The following FAM174B variants were observed in gnomAD, a reference collection of about 807,000 sequenced individuals.
FAM174B encodes the protein membrane protein FAM174B.
In FAM174B, 12 loss-of-function variants were observed where a neutral mutation model predicts 10.9. That is an observed-to-expected ratio of 1.10 (90% CI 0.71 to 1.79). FAM174B has a LOEUF of 1.79. Among genes scored for constraint, FAM174B ranks in the 40% most tolerant of loss-of-function variants. The probability of loss-of-function intolerance (pLI) is 0.00; values close to 1 mark genes in which losing one functional copy is unlikely to be tolerated. For missense variants in FAM174B, 266 were observed against 233.3 expected (o/e 1.14, Z -0.91); for synonymous variants, 132 against 115.8 (o/e 1.14, Z -0.90).
chr15:92,624,911 C>T (rs1233290634), intron 2 of FAM174B, among the ~76,000 whole-genome samples: 2 of 152,202 alleles, frequency 1.3e-5, no homozygotes, highest in South Asian at 2.1e-4. Flanking sequence ...TCCTGGAGGA[C>T]GCCTAGAGGG....
At chr15:92,630,765 TA>T (rs66461520) in intron 1 of FAM174B, among the ~76,000 whole-genome samples, 36,321 of 41,722 alleles carry the variant, frequency 0.87, 15,699 homozygotes, top group Non-Finnish European at 0.92. Flanking sequence ...TAATAATATA[TA>T]ATAATAATAT....
intron 2 of FAM174B, among the ~76,000 whole-genome samples, chr15:92,625,544 C>G (rs542050331): frequency 3.2e-4 from 49 of 152,334 alleles, no homozygotes; most frequent in South Asian, 1.9e-3. Context: ...AAACACTAAA[C>G]CAAACATGCA....
At position 92,655,551 on chromosome 15, in the gene FAM174B, G is replaced by A. The variant is rs1177368053; in HGVS notation, c.109C>T (p.Pro37Ser). The A allele has an allele frequency of 5.6e-6, 8 of 1,415,988 alleles. No individual in the cohort carries two copies. In the Admixed American group the frequency reaches 2.6e-4, roughly 46 times the overall value. 87.7% of individuals were successfully genotyped at this position (1,415,988 alleles called of 1,614,324 possible). A position where few individuals can be genotyped will look rare whatever the true frequency, so the allele number is the denominator to read the frequency against. ...GGCCGCGACTCGCGCTCGGGTTCGG[G>A]CCACGGCGCGGAGACGGACTCGGCT... ...SRAESVSAPW[P>S]EPERESRPPP... Residue 37 changes from proline (P) to serine (S), a missense_variant, in exon 1 of 3, where the codon CCC becomes TCC. Coordinates refer to ENST00000327355, the MANE Select transcript of FAM174B (RefSeq NM_207446.3).
chr15:92,636,211 G>C (rs2050855188), intron 1 of FAM174B, among the ~76,000 whole-genome samples: 1 of 152,140 alleles, frequency 6.6e-6, no homozygotes, highest in Admixed American at 6.5e-5. Context: ...CTACTTGGGA[G>C]GCTGAGGCAG....
At chr15:92,626,041 G>T (rs1468143239) in intron 2 of FAM174B, among the ~76,000 whole-genome samples, 2 of 151,564 alleles carry the variant, frequency 1.3e-5, no homozygotes, top group Non-Finnish European at 2.9e-5. Flanking sequence ...CCCAGATGAC[G>T]TATCTACACA....
At chr15:92,631,229 AATATATTATATATTATATT>A (rs2050801437) in intron 1 of FAM174B, among the ~76,000 whole-genome samples, 1 of 2,682 alleles carries the variant, frequency 3.7e-4, no homozygotes, top group Non-Finnish European at 9.4e-4. Flanking sequence ...TATTATATAT[AATATATTATATATTATATT>A]ATATATAATA....
Position 92,619,302 on chromosome 15 carries a change from G to T in FAM174B, c.*154C>A. ...CTTGCCAGTGACAGTCTGAGCAGAT[G>T]CCTGACACGCACGATGGAGCTGGGG... On this transcript the variant is annotated 3_prime_UTR_variant, in exon 3 of 3. Coordinates refer to ENST00000327355, the MANE Select transcript of FAM174B (RefSeq NM_207446.3). The T allele has an allele frequency of 2.5e-6, 2 of 814,114 alleles. No homozygotes were observed. Among genetic ancestry groups the T allele is most frequent in the African/African-American group, 1.7e-5 (1 of 59,210 alleles). 50.4% of individuals were successfully genotyped at this position (814,114 alleles called of 1,614,324 possible).
intron 1 of FAM174B, among the ~76,000 whole-genome samples, chr15:92,643,343 AAT>A (rs2050904009): frequency 2.2e-4 from 4 of 17,886 alleles, no homozygotes; most frequent in Admixed American, 1.3e-3. Context: ...ATAGGGAAGG[AAT>A]GTGTGTGTGT....
Position 92,617,981 on chromosome 15 carries a change from G to A in FAM174B, c.*1475C>T, listed in dbSNP as rs890149360. 2.3e-5 allele frequency: 8 copies of A among 342,348 alleles called. No homozygotes were observed. The highest frequency in any genetic ancestry group is 8.7e-5 in the East Asian group (2 of 23,032). The allele number at this position is 342,348 out of a possible 1,614,324, so 21.2% of individuals were successfully genotyped here. A position where few individuals can be genotyped will look rare whatever the true frequency, so the allele number is the denominator to read the frequency against. ...AGGCGAAACTGCCTTCCTGGCAGGC[G>A]GAGGCTGCCGAGCTCCCATGCCCCT... is the stretch of plus-strand genomic sequence containing the variant. On this transcript the variant is annotated 3_prime_UTR_variant, in exon 3 of 3. Coordinates refer to ENST00000327355, the MANE Select transcript of FAM174B (RefSeq NM_207446.3).
chr15:92,653,542 G>A (rs780759801), intron 1 of FAM174B, among the ~76,000 whole-genome samples: 2 of 152,384 alleles, frequency 1.3e-5, no homozygotes, highest in African/African-American at 2.4e-5. Context: ...TGGCAGGCCC[G>A]CATCGGGCAT....
intron 1 of FAM174B, among the ~76,000 whole-genome samples, chr15:92,652,560 G>A (rs1017795441): frequency 1.3e-5 from 2 of 152,186 alleles, no homozygotes; most frequent in African/African-American, 2.4e-5. Flanking sequence ...AATTGGCAGG[G>A]AGGGGTAGAA....
Position 92,618,860 on chromosome 15 carries a change from G to C in FAM174B, c.*596C>G. On this transcript the variant is annotated 3_prime_UTR_variant, in exon 3 of 3. Coordinates refer to ENST00000327355, the MANE Select transcript of FAM174B (RefSeq NM_207446.3). ...TTTTTTAAAAAAAAAAAAAAAGGAA[G>C]AAAGAAAAGGAGCCACAGACGTGTC... The C allele has an allele frequency of 5.5e-6, 1 of 181,164 alleles. No individual in the cohort carries two copies. Among genetic ancestry groups the C allele is most frequent in the Non-Finnish European group, 1.1e-5 (1 of 93,784 alleles). 11.2% of individuals were successfully genotyped at this position (181,164 alleles called of 1,614,324 possible).
At chr15:92,633,322 C>T (rs2050831702) in intron 1 of FAM174B, among the ~76,000 whole-genome samples, 2 of 152,280 alleles carry the variant, frequency 1.3e-5, no homozygotes, top group South Asian at 2.1e-4. Context: ...TTAGCAACAG[C>T]AACTTGGTCT....
chr15:92,651,485 C>T (rs542992039), intron 1 of FAM174B, among the ~76,000 whole-genome samples: 15 of 152,348 alleles, frequency 9.8e-5, no homozygotes, highest in African/African-American at 3.6e-4. Flanking sequence ...CACAGACACA[C>T]AGATTTATCT....
At chr15:92,650,369 C>T (rs1183422663) in intron 1 of FAM174B, among the ~76,000 whole-genome samples, 6 of 152,184 alleles carry the variant, frequency 3.9e-5, no homozygotes, top group Admixed American at 3.3e-4. Context: ...TTCAACCTCC[C>T]GATCCCTCGG....
At chr15:92,624,820 C>T (rs976370289) in intron 2 of FAM174B, among the ~76,000 whole-genome samples, 1 of 152,252 alleles carries the variant, frequency 6.6e-6, no homozygotes. Flanking sequence ...GTTCTCCCAG[C>T]AGTGTGCCTT....
rs563565979 is a variant in FAM174B, at chr15:92,655,424, G to A, written c.236C>T (p.Thr79Ile). The stretch of plus-strand genomic sequence containing the variant: ...GTCGCGGAGGAGGATGGAAATGCGG[G>A]TCACCAAGGCGTCGCCACTGCTGTT... The part of the protein sequence containing the change: ...SSNSSGDALV[T>I]RISILLRDLP... The change falls in exon 1 of 3, where the codon ACC becomes ATC. Residue 79 changes from threonine to isoleucine, a missense_variant. Thr to Ile is a moderately conservative substitution (Grantham distance 89). Transcript: ENST00000327355. 21 of 1,593,402 alleles carry A rather than the reference G, an allele frequency of 1.3e-5. No homozygotes were observed. The highest frequency in any genetic ancestry group is 1.7e-5 in the Admixed American group (1 of 58,116).
chr15:92,625,524 A>C (rs1051968005), intron 2 of FAM174B, among the ~76,000 whole-genome samples: 7 of 152,226 alleles, frequency 4.6e-5, no homozygotes, highest in Admixed American at 2.6e-4. Context: ...GCAGACAAAG[A>C]AGTTCACAAA....
intron 1 of FAM174B, among the ~76,000 whole-genome samples, chr15:92,631,200 TTAC>T (rs1478726256): frequency 1.0e-4 from 2 of 19,086 alleles, no homozygotes; most frequent in African/African-American, 3.3e-4. Flanking sequence ...ATTATATATA[TTAC>T]ATATATTATA....
Sources: allele counts gnomAD v4.1 joint callset (sites outside exome capture counted in the v4.1 genomes callset), GRCh38; gene constraint gnomAD v4.1.1; transcripts MANE v1.5; gene names NCBI Gene and HGNC (gene_info 2026-07-23, HGNC 2026-07-21).